PALM2AKAP2: variants seen among roughly 807,000 people sequenced by gnomAD.
The protein encoded by PALM2AKAP2 is PALM2 and AKAP2 fusion.
Under a neutral mutation model 71.5 loss-of-function variants are expected in PALM2AKAP2, and 37 were observed. The ratio of observed to expected loss-of-function variants is 0.52; its 90% CI spans 0.40 to 0.68. PALM2AKAP2 has a LOEUF of 0.68. PALM2AKAP2 is among the 30% of genes least tolerant of loss of function. PALM2AKAP2 has a pLI of 0.00. For missense variants in PALM2AKAP2, 1,224 were observed against 1,191.8 expected (o/e 1.03, Z -0.40); for synonymous variants, 468 against 478.8 (o/e 0.98, Z 0.29).
At chr9:109,861,439 C>G (rs1392180465) in intron 1 of PALM2AKAP2, among the ~76,000 whole-genome samples, 6 of 152,166 alleles carry the variant, frequency 3.9e-5, no homozygotes, top group Non-Finnish European at 8.8e-5. Context: ...ATGTTACGAA[C>G]ATGTTATGAT....
intron 1 of PALM2AKAP2, among the ~76,000 whole-genome samples, chr9:110,075,637 G>A (rs922039510): frequency 2.0e-4 from 31 of 151,266 alleles, no homozygotes; most frequent in Middle Eastern, 3.4e-3. Flanking sequence ...TGTAAAAGCT[G>A]CCCCTATGCT....
intron 1 of PALM2AKAP2, among the ~76,000 whole-genome samples, chr9:110,059,685 G>T (rs1260296983): frequency 6.6e-6 from 1 of 152,206 alleles, no homozygotes; most frequent in Non-Finnish European, 1.5e-5. Context: ...TAGGGCAGAA[G>T]AAGCCAGAGT....
intron 6 of PALM2AKAP2, among the ~76,000 whole-genome samples, chr9:109,954,588 G>C (rs1398613477): frequency 2.1e-5 from 3 of 146,110 alleles, no homozygotes; most frequent in Non-Finnish European, 4.5e-5. Context: ...CAGCGCACCA[G>C]CATGGCACAT....
chr9:109,767,592 G>A lies in PALM2AKAP2; in HGVS notation c.6-12896G>A, dbSNP rs116966128. Among the ~76,000 whole-genome samples the A allele has an allele frequency of 2.0e-4, 31 of 152,262 alleles. 1 individual carries two copies. In the East Asian group the frequency reaches 4.3e-3, roughly 21 times the overall value. On this transcript the variant is annotated intron_variant, in intron 1 of 6. Transcript: ENST00000374531. ...AGTTTGCTTAACCCCTCCCAAGGCC[G>A]AGATCTGGTGGGGCCACCCTCTGGC...
chr9:109,762,471 T>C (rs746041623), intron 1 of PALM2AKAP2, among the ~76,000 whole-genome samples: 11 of 152,092 alleles, frequency 7.2e-5, no homozygotes, highest in Non-Finnish European at 1.2e-4. Flanking sequence ...TGTAGGGCAG[T>C]ATAGATATTC....
chr9:109,815,097 T>A (rs913216817), intron 1 of PALM2AKAP2, among the ~76,000 whole-genome samples: 1 of 152,114 alleles, frequency 6.6e-6, no homozygotes, highest in Non-Finnish European at 1.5e-5. Flanking sequence ...AGAGTGGCTG[T>A]GGAGATGGTG....
At chr9:110,034,732 A>G (rs534883540) in intron 7 of PALM2AKAP2, among the ~76,000 whole-genome samples, 52 of 150,584 alleles carry the variant, frequency 3.5e-4, no homozygotes, top group African/African-American at 1.2e-3. Context: ...AGCCTCCTGA[A>G]TAGCTGGGAT....
chr9:110,138,520 ATGC>A (rs754236658), exon 2 of PALM2AKAP2: 1 of 1,607,252 alleles, frequency 6.2e-7, no homozygotes. Flanking sequence ...CCTCCAGAAC[ATGC>A]TACAAAACTG....
At chr9:109,848,503 G>T (rs1302132976) in intron 1 of PALM2AKAP2, among the ~76,000 whole-genome samples, 2 of 152,162 alleles carry the variant, frequency 1.3e-5, no homozygotes, top group African/African-American at 4.8e-5. Context: ...CCACACCTGT[G>T]GAGAGAATGC....
At chr9:109,739,850 G>T (rs1828692205) in intron 1 of PALM2AKAP2, among the ~76,000 whole-genome samples, 1 of 152,170 alleles carries the variant, frequency 6.6e-6, no homozygotes, top group South Asian at 2.1e-4. Flanking sequence ...AACTCCCAGG[G>T]CTTTTGAGGC....
chr9:109,846,963 T>A (rs1828873444), intron 1 of PALM2AKAP2, among the ~76,000 whole-genome samples: 1 of 152,234 alleles, frequency 6.6e-6, no homozygotes. Flanking sequence ...CTCTCTGTGA[T>A]TGATGACCTA....
intron 1 of PALM2AKAP2, among the ~76,000 whole-genome samples, chr9:109,745,686 G>A (rs1046570318): frequency 6.6e-6 from 1 of 152,152 alleles, no homozygotes; most frequent in African/African-American, 2.4e-5. Flanking sequence ...AGAAAAAGGT[G>A]GCAGACAATA....
intron 2 of PALM2AKAP2, among the ~76,000 whole-genome samples, chr9:110,148,019 T>C (rs1379352155): frequency 3.3e-5 from 5 of 152,198 alleles, no homozygotes; most frequent in Non-Finnish European, 7.3e-5. Context: ...TCATTAAATG[T>C]ACTGAGTGAA....
At chr9:109,780,737 G>A (rs1829430677) in intron 1 of PALM2AKAP2, among the ~76,000 whole-genome samples, 3 of 152,268 alleles carry the variant, frequency 2.0e-5, no homozygotes, top group South Asian at 4.1e-4. Flanking sequence ...TTGGACTGAG[G>A]ATTTGAATGT....
chr9:109,959,698 A>G (rs1477619215), intron 6 of PALM2AKAP2, among the ~76,000 whole-genome samples: 1 of 152,114 alleles, frequency 6.6e-6, no homozygotes, highest in Non-Finnish European at 1.5e-5. Context: ...GAATTTTAGA[A>G]GTGGTAGATA....
At chr9:110,034,099 C>T (rs1477404980) in intron 7 of PALM2AKAP2, among the ~76,000 whole-genome samples, 2 of 152,176 alleles carry the variant, frequency 1.3e-5, no homozygotes. Context: ...ACCACAGTGC[C>T]AGGGCACCTC....
intron 1 of PALM2AKAP2, among the ~76,000 whole-genome samples, chr9:109,740,739 C>T (rs1362019795): frequency 2.6e-5 from 4 of 152,126 alleles, no homozygotes; most frequent in Admixed American, 6.5e-5. Context: ...CTGCAACCTC[C>T]GCCTGCCGGG....
intron 6 of PALM2AKAP2, among the ~76,000 whole-genome samples, chr9:109,963,890 G>A (rs1431900735): frequency 6.6e-6 from 1 of 152,154 alleles, no homozygotes. Flanking sequence ...TGCAGGCTAG[G>A]GTGTCCACCA....
At chr9:109,671,828 TA>T (rs763554545) in intron 1 of PALM2AKAP2, among the ~76,000 whole-genome samples, 2 of 152,114 alleles carry the variant, frequency 1.3e-5, no homozygotes, top group Non-Finnish European at 2.9e-5. Flanking sequence ...CAGTTAGCTG[TA>T]TTCCTAGGAA....
Sources: allele counts gnomAD v4.1 joint callset (sites outside exome capture counted in the v4.1 genomes callset), GRCh38; gene constraint gnomAD v4.1.1; transcripts MANE v1.5; gene names NCBI Gene and HGNC (gene_info 2026-07-23, HGNC 2026-07-21).